Variants in BCL2L1 observed in about 807,000 individuals in gnomAD.
The protein encoded by BCL2L1 is bcl-2-like protein 1.
A neutral mutation model predicts 18.7 loss-of-function variants in BCL2L1; 1 was observed. The observed-to-expected ratio is 0.05, with a 90% CI of 0.02 to 0.25. The LOEUF (loss-of-function observed/expected upper bound fraction) is 0.25. Ranked by LOEUF, BCL2L1 falls within the 10% of genes least tolerant of loss-of-function variation. The pLI, the probability that BCL2L1 is intolerant of heterozygous loss-of-function variation, is 1.00. For missense variants in BCL2L1, 207 were observed against 304.9 expected, an observed-to-expected ratio of 0.68 and a Z score of 2.39; for synonymous variants, 103 against 122.7, an observed-to-expected ratio of 0.84 and a Z score of 1.06.
Position 31,721,875 on chromosome 20 carries a change from G to T in BCL2L1, c.344C>A (p.Thr115Asn). 1.2e-6 allele frequency: 2 copies of T among 1,614,232 alleles called. No homozygotes were observed. The highest frequency in any genetic ancestry group is 1.7e-6 in the Non-Finnish European group (2 of 1,180,050). Residue 115 changes from threonine to asparagine, a missense_variant, in exon 2 of 3, where the codon ACC (threonine) becomes AAC (asparagine). Transcript: ENST00000307677. ...AAAGCTCTGATATGCTGTCCCTGGG[G>T]TGATGTGGAGCTGGGATGTCAGGTC... ...FSDLTSQLHITPGTAYQSFEQ... is the reference protein window; with the variant it reads ...FSDLTSQLHINPGTAYQSFEQ...
chr20:31,700,732 G>C (rs563918694), intron 2 of BCL2L1, among the ~76,000 whole-genome samples: 3 of 152,146 alleles, frequency 2.0e-5, no homozygotes, highest in African/African-American at 7.2e-5. Flanking sequence ...TTTATTGTTG[G>C]CTTTTACAAG....
chr20:31,720,572 G>A, intron 2 of BCL2L1: 2 of 985,392 alleles, frequency 2.0e-6, no homozygotes, highest in Non-Finnish European at 2.4e-6. Flanking sequence ...GCTCAGTGAT[G>A]GGCAGGAGAA....
chr20:31,697,088 G>A (rs1015979731), intron 2 of BCL2L1, among the ~76,000 whole-genome samples: 1 of 151,396 alleles, frequency 6.6e-6, no homozygotes, highest in African/African-American at 2.4e-5. Context: ...TAGGCATGAT[G>A]GCATGTGCCT....
chr20:31,697,525 C>T (rs1331510518), intron 2 of BCL2L1, among the ~76,000 whole-genome samples: 2 of 151,922 alleles, frequency 1.3e-5, no homozygotes, highest in East Asian at 3.9e-4. Flanking sequence ...GCAACCTCCA[C>T]CTCCCGGGTT....
At chr20:31,714,731 A>G (rs2061501980) in intron 2 of BCL2L1, among the ~76,000 whole-genome samples, 3 of 152,234 alleles carry the variant, frequency 2.0e-5, no homozygotes, top group Admixed American at 6.5e-5. Flanking sequence ...ACCATTCATC[A>G]GAATATCACA....
intron 2 of BCL2L1, among the ~76,000 whole-genome samples, chr20:31,709,382 G>A (rs1012542437): frequency 6.6e-6 from 1 of 152,006 alleles, no homozygotes; most frequent in African/African-American, 2.4e-5. Context: ...GTGTGTGTGT[G>A]GCAGAGTCTC....
intron 2 of BCL2L1, among the ~76,000 whole-genome samples, chr20:31,666,980 A>G (rs149692193): frequency 1.2e-4 from 19 of 152,300 alleles, no homozygotes; most frequent in African/African-American, 4.6e-4. Context: ...TTTTATGAGT[A>G]AGCGTAGTAC....
At chr20:31,690,269 T>C (rs1016466917) in intron 2 of BCL2L1, among the ~76,000 whole-genome samples, 2 of 152,038 alleles carry the variant, frequency 1.3e-5, no homozygotes, top group African/African-American at 4.8e-5. Flanking sequence ...TTTTTTTTTT[T>C]TGAGAGACAC....
chr20:31,675,385 G>A (rs1163369814), intron 2 of BCL2L1, among the ~76,000 whole-genome samples: 1 of 152,210 alleles, frequency 6.6e-6, no homozygotes, highest in East Asian at 1.9e-4. Flanking sequence ...GCTGATAAAT[G>A]TGTGCTGAAT....
chr20:31,667,497 G>T (rs1474504250), intron 2 of BCL2L1, among the ~76,000 whole-genome samples: 3 of 151,276 alleles, frequency 2.0e-5, no homozygotes, highest in Non-Finnish European at 4.4e-5. Flanking sequence ...GTGTGTGTGT[G>T]TGTGTGTGTG....
intron 2 of BCL2L1, among the ~76,000 whole-genome samples, chr20:31,689,780 C>T (rs1407586118): frequency 6.6e-6 from 1 of 152,222 alleles, no homozygotes. Flanking sequence ...CTTTGGGAGG[C>T]TGAGGCGGGC....
chr20:31,721,695 T>C lies in BCL2L1; in HGVS notation c.524A>G (p.Asn175Ser). 1.2e-6 allele frequency: 2 copies of C among 1,613,636 alleles called. No homozygotes were observed. The highest frequency in any genetic ancestry group is 1.7e-6 in the Non-Finnish European group (2 of 1,179,710). Reference sequence around the variant, plus strand: ...CTGGATCCAAGGCTCTAGGTGGTCATTCAGGTAAGTGGCCATCCAAGCTGC... The same window carrying C: ...CTGGATCCAAGGCTCTAGGTGGTCACTCAGGTAAGTGGCCATCCAAGCTGC... ...RIAAWMATYL[N>S]DHLEPWIQEN... The change falls in exon 2 of 3, where the codon AAT (asparagine) becomes AGT (serine). Residue 175 changes from asparagine to serine, a missense_variant. Transcript: ENST00000307677.
At chr20:31,707,039 TCCTAC>T (rs1179843536) in intron 2 of BCL2L1, among the ~76,000 whole-genome samples, 1 of 152,184 alleles carries the variant, frequency 6.6e-6, no homozygotes, top group Non-Finnish European at 1.5e-5. Flanking sequence ...CCAGGCATGC[TCCTAC>T]CCACTTTAAA....
rs1235559494 is a variant in BCL2L1, at chr20:31,703,714, A to T, written c.564+17941T>A. Among the ~76,000 whole-genome samples, 43 of 149,848 alleles carry T rather than the reference A, an allele frequency of 2.9e-4. 1 individual carries two copies. Among genetic ancestry groups the T allele is most frequent in the African/African-American group, 1.1e-3 (43 of 40,576 alleles). ...ACTGTGTTGGCCAGGCTGGTCTGGA[A>T]CTCCTGATCTCAGGTGATTCGCCTG... On this transcript the variant is annotated intron_variant, in intron 2 of 2. Coordinates refer to ENST00000307677, the MANE Select transcript of BCL2L1 (RefSeq NM_138578.3).
chr20:31,704,075 G>A (rs923402348), intron 2 of BCL2L1, among the ~76,000 whole-genome samples: 3 of 150,576 alleles, frequency 2.0e-5, no homozygotes, highest in African/African-American at 4.9e-5. Context: ...TGGGATTACA[G>A]GCATGAGCCA....
At position 31,685,214 on chromosome 20, in the gene BCL2L1, A is replaced by G. The variant is rs929905820; in HGVS notation, c.565-19128T>C. ...TCAGGAGATCAAGACCATCCTGGCT[A>G]ACACGGTGAAACCCCGTCTACTAAA... On this transcript the variant is annotated intron_variant, in intron 2 of 2. Transcript: ENST00000307677. Among the ~76,000 whole-genome samples, 6 of 151,846 alleles carry G rather than the reference A, an allele frequency of 4.0e-5. No homozygotes were observed. In the East Asian group the frequency reaches 5.8e-4, roughly 15 times the overall value.
intron 2 of BCL2L1, among the ~76,000 whole-genome samples, chr20:31,706,481 T>G (rs1187162625): frequency 6.6e-6 from 1 of 152,180 alleles, no homozygotes; most frequent in Non-Finnish European, 1.5e-5. Context: ...GTTAATCCAG[T>G]CACTAAACAC....
upstream of BCL2L1, chr20:31,723,333 C>G: frequency 4.1e-6 from 4 of 985,544 alleles, no homozygotes; most frequent in Non-Finnish European, 4.8e-6. Flanking sequence ...GAGGGTGAGG[C>G]GCTGGGCCTC....
At chr20:31,667,484 C>CGTGTGTGTGTGTGTGTGTGT (rs3073682) in intron 2 of BCL2L1, among the ~76,000 whole-genome samples, 12,140 of 134,994 alleles carry the variant, frequency 0.09, 692 homozygotes, top group African/African-American at 0.1. Flanking sequence ...ACCATAGTAC[C>CGTGTGTGTGTGTGTGTGTGT]GTGTGTGTGT....
Sources: gnomAD v4.1 joint callset for allele counts (sites outside exome capture counted in the v4.1 genomes callset) on GRCh38, gnomAD v4.1.1 for gene constraint, MANE v1.5 for transcripts, NCBI Gene and HGNC (gene_info 2026-07-23, HGNC 2026-07-21) for gene names.